CSGALNACT2: variants seen among roughly 807,000 people sequenced by gnomAD.
CSGALNACT2 encodes the protein chondroitin sulfate N-acetylgalactosaminyltransferase 2.
In CSGALNACT2, 35 loss-of-function variants were observed where a neutral mutation model predicts 55.3. The ratio of observed to expected loss-of-function variants is 0.63; its 90% CI spans 0.48 to 0.84. CSGALNACT2 has a LOEUF of 0.84. CSGALNACT2 is among the 40% of genes least tolerant of loss of function. The pLI is 0.00. For synonymous variants in CSGALNACT2, 196 were observed against 224.9 expected (o/e 0.87, Z 1.15); for missense variants, 544 against 657.5 (o/e 0.83, Z 1.89).
chr10:43,183,758 T>C lies in CSGALNACT2; in HGVS notation c.*216T>C, dbSNP rs1428226297. On this transcript the variant is annotated 3_prime_UTR_variant, in exon 8 of 8. Transcript: ENST00000374466. Reference sequence around the variant, plus strand: ...GTGAGAATACTGCACTATGGAATAATTGACAAATTGAAATCTCATATTTGT... The same window carrying C: ...GTGAGAATACTGCACTATGGAATAACTGACAAATTGAAATCTCATATTTGT... The C allele has an allele frequency of 1.2e-5, 7 of 561,462 alleles. No individual in the cohort carries two copies. In the East Asian group the frequency reaches 1.8e-4, roughly 14 times the overall value. The allele number at this position is 561,462 out of a possible 1,614,324, so 34.8% of individuals were successfully genotyped here.
At chr10:43,164,930 A>C (rs1393525366) in intron 5 of CSGALNACT2, among the ~76,000 whole-genome samples, 1 of 152,114 alleles carries the variant, frequency 6.6e-6, no homozygotes, top group African/African-American at 2.4e-5. Context: ...AAAGAATTAA[A>C]AGTATTAAAG....
chr10:43,156,860 C>T (rs375481800), intron 2 of CSGALNACT2, among the ~76,000 whole-genome samples: 2 of 152,260 alleles, frequency 1.3e-5, no homozygotes, highest in South Asian at 2.1e-4. Context: ...TAGTTCCCAA[C>T]AAACAGGCCA....
chr10:43,162,121 C>A, intron 4 of CSGALNACT2: 2 of 517,618 alleles, frequency 3.9e-6, no homozygotes, highest in South Asian at 2.8e-5. Context: ...GGGATTGGAA[C>A]CAGAGACTTG....
chr10:43,163,940 G>T lies in CSGALNACT2; in HGVS notation c.1055G>T (p.Gly352Val), dbSNP rs1839205897. 6.2e-7 allele frequency: 1 copy of T among 1,614,044 alleles called. No individual in the cohort carries two copies. The highest frequency in any genetic ancestry group is 1.3e-5 in the African/African-American group (1 of 74,936). Reference sequence around the variant, plus strand: ...AATCGTGGACGAGGACTAAATGTGGGTGCCCGAGCTTGGGACAAGGGAGAG... The same window carrying T: ...AATCGTGGACGAGGACTAAATGTGGTTGCCCGAGCTTGGGACAAGGGAGAG... ...EFNRGRGLNV[G>V]ARAWDKGEVL... is the part of the protein sequence containing the mutation. The change falls in exon 5 of 8, where the codon GGT (glycine) becomes GTT (valine). Residue 352 changes from glycine (G) to valine (V), a missense_variant. This residue lies in a region of CSGALNACT2 where 170 missense variants were observed against 256.2 expected (regional missense o/e 0.66). Transcript: ENST00000374466.
chr10:43,176,178 C>G, intron 7 of CSGALNACT2, 146 bp downstream of exon 7: 1 of 508,052 alleles, frequency 2.0e-6, no homozygotes, highest in Non-Finnish European at 3.3e-6. Context: ...ATACAAAAGG[C>G]AAAATAAGTT....
At chr10:43,174,671 TG>T (rs1432733845) in intron 6 of CSGALNACT2, among the ~76,000 whole-genome samples, 1 of 152,246 alleles carries the variant, frequency 6.6e-6, no homozygotes, top group African/African-American at 2.4e-5. Context: ...CTTTTGCTTT[TG>T]GTACATACCA....
Position 43,160,730 on chromosome 10 carries a change from T to G in CSGALNACT2, c.980+135T>G, listed in dbSNP as rs1839128259. 8 of 629,246 alleles carry G rather than the reference T, an allele frequency of 1.3e-5. No individual in the cohort carries two copies. The South Asian group carries it at 1.4e-4, about 11-fold the overall frequency. The allele number at this position is 629,246 out of a possible 1,614,324, so 39.0% of individuals were successfully genotyped here. On this transcript the variant is annotated intron_variant, in intron 4 of 7. Transcript: ENST00000374466. ...CTGAGCATGTGGGCGGTGGTGGTGATGATAAGTTCCTCATTTCACATGCAA... is the reference window on the plus strand; with the variant it reads ...CTGAGCATGTGGGCGGTGGTGGTGAGGATAAGTTCCTCATTTCACATGCAA...
chr10:43,153,649 A>T (rs1215110330), intron 1 of CSGALNACT2, among the ~76,000 whole-genome samples: 1 of 152,188 alleles, frequency 6.6e-6, no homozygotes, highest in South Asian at 2.1e-4. Flanking sequence ...ACCTGCTGTC[A>T]TATCACATTA....
chr10:43,158,680 A>G (rs1428124040), intron 2 of CSGALNACT2, 35 bp from the exon 3 acceptor site: 2 of 1,242,448 alleles, frequency 1.6e-6, no homozygotes, highest in Non-Finnish European at 1.2e-6. Flanking sequence ...AAACTTTGAC[A>G]TGGAGACGTC....
At chr10:43,180,500 G>T (rs1839570197) in intron 7 of CSGALNACT2, among the ~76,000 whole-genome samples, 1 of 152,020 alleles carries the variant, frequency 6.6e-6, no homozygotes, top group African/African-American at 2.4e-5. Flanking sequence ...CGCATCTTGT[G>T]TGTTATCTGC....
Position 43,184,605 on chromosome 10 carries a change from G to A in CSGALNACT2, c.*1063G>A, listed in dbSNP as rs1839659545. Reference sequence around the variant, plus strand: ...ATCACTCTGATTTGAGAAAAGGGAGGAGGGGAAGATAGTCTGAATGGAAAT... The same window carrying A: ...ATCACTCTGATTTGAGAAAAGGGAGAAGGGGAAGATAGTCTGAATGGAAAT... On this transcript the variant is annotated 3_prime_UTR_variant, in exon 8 of 8. Transcript: ENST00000374466. 1.3e-5 allele frequency: 2 copies of A among 152,234 alleles called. No homozygotes were observed. Among genetic ancestry groups the A allele is most frequent in the African/African-American group, 4.8e-5 (2 of 41,448 alleles). The allele number at this position is 152,234 out of a possible 1,614,324, so 9.4% of individuals were successfully genotyped here.
chr10:43,167,475 C>T (rs1437958145), intron 6 of CSGALNACT2, among the ~76,000 whole-genome samples: 1 of 152,150 alleles, frequency 6.6e-6, no homozygotes, highest in Admixed American at 6.5e-5. Flanking sequence ...GAATAGTATA[C>T]TCTGGTAAAT....
chr10:43,164,708 A>C (rs1839223836), intron 5 of CSGALNACT2, among the ~76,000 whole-genome samples: 1 of 151,200 alleles, frequency 6.6e-6, no homozygotes, highest in Non-Finnish European at 1.5e-5. Flanking sequence ...TTAGCTGGGC[A>C]TGGTGGCGTA....
intron 7 of CSGALNACT2, among the ~76,000 whole-genome samples, chr10:43,178,593 C>T (rs912507911): frequency 1.3e-4 from 19 of 149,008 alleles, no homozygotes; most frequent in African/African-American, 4.7e-4. Flanking sequence ...TGCACTCCAG[C>T]CTGGGCAACA....
At chr10:43,157,754 G>T (rs570742017) in intron 2 of CSGALNACT2, among the ~76,000 whole-genome samples, 1 of 152,016 alleles carries the variant, frequency 6.6e-6, no homozygotes, top group Non-Finnish European at 1.5e-5. Context: ...ATTGCCACTG[G>T]GCGCAGTGGC....
Position 43,158,863 on chromosome 10 carries a change from A to C in CSGALNACT2, c.810A>C (p.Ser270=). The part of the protein sequence containing the change: ...VKSEMIDITR[S]IINIIVPLAE... ...GTGAGATGATTGACATCACTAGATC[A>C]ATTATTAATATCATTGTGCCACTTG... The change falls in exon 3 of 8, where the codon TCA becomes TCC. Residue 270 remains serine (S), a synonymous_variant. Coordinates refer to ENST00000374466, the MANE Select transcript of CSGALNACT2 (RefSeq NM_018590.5). The C allele has an allele frequency of 6.2e-7, 1 of 1,612,722 alleles. No individual in the cohort carries two copies. Among genetic ancestry groups the C allele is most frequent in the Non-Finnish European group, 8.5e-7 (1 of 1,178,864 alleles).
chr10:43,164,086 A>C, intron 5 of CSGALNACT2, 42 bp downstream of exon 5: 1 of 1,538,850 alleles, frequency 6.5e-7, no homozygotes, highest in South Asian at 1.2e-5. Context: ...TAGAATTTAG[A>C]ACGTTGTCAG....
chr10:43,175,829 TAATC>T (rs1409207334), intron 6 of CSGALNACT2, 118 bp from the exon 7 acceptor site: 27 of 817,986 alleles, frequency 3.3e-5, no homozygotes, highest in South Asian at 6.0e-5. Flanking sequence ...ATGTGATCCT[TAATC>T]AGTCACATAA....
intron 1 of CSGALNACT2, among the ~76,000 whole-genome samples, chr10:43,146,525 A>G (rs899984301): frequency 6.6e-6 from 1 of 152,174 alleles, no homozygotes; most frequent in African/African-American, 2.4e-5. Flanking sequence ...AGACACACCC[A>G]TGAACAATAC....
Sources: gnomAD v4.1 joint callset for allele counts (sites outside exome capture counted in the v4.1 genomes callset) on GRCh38, gnomAD v4.1.1 for gene constraint, gnomAD v4.1.1 regional missense constraint, MANE v1.5 for transcripts, NCBI Gene and HGNC (gene_info 2026-07-23, HGNC 2026-07-21) for gene names.